The following FAM78B variants were observed in gnomAD, a reference collection of about 807,000 sequenced individuals.
FAM78B encodes protein FAM78B.
In FAM78B, 10 loss-of-function variants were observed where a neutral mutation model predicts 20.0. That is an observed-to-expected ratio of 0.50 (90% CI 0.31 to 0.85). The LOEUF (loss-of-function observed/expected upper bound fraction) is 0.85. FAM78B is among the 40% of genes least tolerant of loss of function. The pLI is 0.05. For missense variants in FAM78B, 283 were observed against 345.0 expected, an observed-to-expected ratio of 0.82 and a Z score of 1.42; for synonymous variants, 135 against 132.8, an observed-to-expected ratio of 1.02 and a Z score of -0.12.
chr1:166,075,673 C>G (rs1415291843), intron 1 of FAM78B, among the ~76,000 whole-genome samples: 1 of 152,218 alleles, frequency 6.6e-6, no homozygotes, highest in Admixed American at 6.5e-5. Flanking sequence ...ATTTATTTCT[C>G]AGTGTCCTTT....
At position 166,076,744 on chromosome 1, in the gene FAM78B, A is replaced by C. The variant is rs574543713; in HGVS notation, c.264-5981T>G. On this transcript the variant is annotated intron_variant, in intron 1 of 1. Coordinates refer to ENST00000354422, the MANE Select transcript of FAM78B (RefSeq NM_001017961.5). ...CATTTGTTGAATACATATCAAATTG[A>C]TCTGAAGTGAAAGATGAGTGGAGAC... Among the ~76,000 whole-genome samples, 3 of 152,336 alleles carry C rather than the reference A, an allele frequency of 2.0e-5. No individual in the cohort carries two copies. In the South Asian group the frequency reaches 6.2e-4, roughly 32 times the overall value.
chr1:166,089,891 T>C (rs1652995701), intron 1 of FAM78B, among the ~76,000 whole-genome samples: 1 of 152,096 alleles, frequency 6.6e-6, no homozygotes, highest in East Asian at 1.9e-4. Flanking sequence ...TTTCCCTCAG[T>C]GGTACAGAGC....
chr1:166,067,644 A>ATTACAAG (rs1651850370), downstream of FAM78B, among the ~76,000 whole-genome samples: 1 of 152,212 alleles, frequency 6.6e-6, no homozygotes, highest in South Asian at 2.1e-4. Flanking sequence ...AATCACAGGA[A>ATTACAAG]GAAAAGGGGT....
At chr1:166,103,906 A>G (rs535110859) in intron 1 of FAM78B, among the ~76,000 whole-genome samples, 3 of 152,334 alleles carry the variant, frequency 2.0e-5, no homozygotes, top group African/African-American at 7.2e-5. Context: ...AAAATAAAAG[A>G]GAATTTTAGA....
chr1:166,082,653 C>T (rs1652626894), intron 1 of FAM78B: 1 of 152,302 alleles, frequency 6.6e-6, no homozygotes, highest in Admixed American at 6.5e-5. Flanking sequence ...GCTGCATCTT[C>T]AGTACCTCCA....
chr1:166,139,182 A>C (rs147400281), intron 1 of FAM78B, among the ~76,000 whole-genome samples: 31 of 152,344 alleles, frequency 2.0e-4, no homozygotes, highest in African/African-American at 7.5e-4. Flanking sequence ...TAGAAGGGGA[A>C]GCCTAGACTC....
intron 1 of FAM78B, among the ~76,000 whole-genome samples, chr1:166,161,121 G>C (rs771784640): frequency 6.6e-6 from 1 of 152,100 alleles, no homozygotes; most frequent in Non-Finnish European, 1.5e-5. Context: ...CAAGGCTTAA[G>C]AACAGAAAAT....
chr1:166,092,959 T>A (rs986778102), intron 1 of FAM78B, among the ~76,000 whole-genome samples: 6 of 152,198 alleles, frequency 3.9e-5, no homozygotes, highest in Non-Finnish European at 7.3e-5. Flanking sequence ...TGCCGTTAAG[T>A]GGCCGGGCTG....
intron 1 of FAM78B, among the ~76,000 whole-genome samples, chr1:166,109,908 A>ATATATATATATATATATG (rs1653981366): frequency 1.0e-5 from 1 of 96,890 alleles, no homozygotes; most frequent in Non-Finnish European, 2.2e-5. Context: ...ATATATATAT[A>ATATATATATATATATATG]TATATATATA....
chr1:166,090,915 A>G (rs1653040472), intron 1 of FAM78B, among the ~76,000 whole-genome samples: 1 of 152,212 alleles, frequency 6.6e-6, no homozygotes, highest in Non-Finnish European at 1.5e-5. Flanking sequence ...CCAACTGATC[A>G]ATCCTCACAA....
intron 1 of FAM78B, among the ~76,000 whole-genome samples, chr1:166,126,410 A>G (rs1459634675): frequency 2.0e-5 from 3 of 152,248 alleles, no homozygotes; most frequent in African/African-American, 4.8e-5. Flanking sequence ...TAAACCATGT[A>G]GTAGGTTAGG....
At chr1:166,128,324 A>C (rs878925610) in intron 1 of FAM78B, among the ~76,000 whole-genome samples, 2 of 152,186 alleles carry the variant, frequency 1.3e-5, no homozygotes, top group Admixed American at 6.5e-5. Flanking sequence ...GACTGGAGGA[A>C]GCCTGCAGCA....
intron 1 of FAM78B, among the ~76,000 whole-genome samples, chr1:166,105,059 C>G (rs1279118953): frequency 6.6e-6 from 1 of 152,038 alleles, no homozygotes; most frequent in African/African-American, 2.4e-5. Context: ...CACATATCTA[C>G]AACTATCTGA....
At chr1:166,153,701 A>G (rs975138555) in intron 1 of FAM78B, among the ~76,000 whole-genome samples, 6 of 152,116 alleles carry the variant, frequency 3.9e-5, no homozygotes, top group African/African-American at 7.2e-5. Flanking sequence ...ACCACATGAC[A>G]TCGCCCTGGA....
chr1:166,147,137 T>G (rs1032048409), intron 1 of FAM78B, among the ~76,000 whole-genome samples: 8 of 152,106 alleles, frequency 5.3e-5, no homozygotes, highest in African/African-American at 9.7e-5. Context: ...AAGAACAAAG[T>G]TCAGCTTAGT....
intron 1 of FAM78B, among the ~76,000 whole-genome samples, chr1:166,114,753 T>C (rs1365336028): frequency 2.0e-5 from 3 of 152,162 alleles, no homozygotes; most frequent in East Asian, 1.9e-4. Flanking sequence ...AGAATACCAA[T>C]GTGGAATCTT....
At chr1:166,146,904 T>C (rs1442822618) in intron 1 of FAM78B, among the ~76,000 whole-genome samples, 1 of 152,176 alleles carries the variant, frequency 6.6e-6, no homozygotes, top group African/African-American at 2.4e-5. Context: ...CAGGCTTGGT[T>C]CACCACTTTG....
intron 1 of FAM78B, among the ~76,000 whole-genome samples, chr1:166,074,818 T>A (rs141373781): frequency 6.0e-4 from 91 of 152,338 alleles, no homozygotes; most frequent in Admixed American, 2.0e-3. Context: ...ACTCGTGCCA[T>A]CATATACCTA....
chr1:166,135,493 T>C (rs985107423), intron 1 of FAM78B, among the ~76,000 whole-genome samples: 1 of 152,234 alleles, frequency 6.6e-6, no homozygotes, highest in African/African-American at 2.4e-5. Flanking sequence ...TGAAAGCGTG[T>C]ATCATGTATT....
Sources: gnomAD v4.1 joint callset for allele counts (sites outside exome capture counted in the v4.1 genomes callset) on GRCh38, gnomAD v4.1.1 for gene constraint, MANE v1.5 for transcripts, NCBI Gene and HGNC (gene_info 2026-07-23, HGNC 2026-07-21) for gene names.